The following BAZ1B variants were observed in gnomAD, a reference collection of about 807,000 sequenced individuals.
BAZ1B encodes the protein tyrosine-protein kinase BAZ1B.
BAZ1B carries 22 observed loss-of-function variants against 153.8 expected under a neutral mutation model. The ratio of observed to expected loss-of-function variants is 0.14; its 90% confidence interval spans 0.10 to 0.20. BAZ1B has a LOEUF of 0.20. BAZ1B is among the 10% of genes least tolerant of loss of function. The probability of loss-of-function intolerance (pLI) is 1.00; values close to 1 mark genes in which losing one functional copy is unlikely to be tolerated. For synonymous variants in BAZ1B, 676 were observed against 633.4 expected (o/e 1.07, Z -1.01); for missense variants, 1,325 against 1,799.3 (o/e 0.74, Z 4.77).
intron 1 of BAZ1B, among the ~76,000 whole-genome samples, chr7:73,518,471 C>T (rs1790902374): frequency 6.6e-6 from 1 of 151,932 alleles, no homozygotes; most frequent in South Asian, 2.1e-4. Context: ...AACGTAAGAG[C>T]TCAGTATTCC....
intron 6 of BAZ1B, among the ~76,000 whole-genome samples, chr7:73,479,128 G>T (rs1012163245): frequency 1.3e-5 from 2 of 149,450 alleles, no homozygotes; most frequent in South Asian, 2.1e-4. Flanking sequence ...ATCAGTGAGT[G>T]TAAGAACAAC....
At chr7:73,515,426 G>A (rs946465636) in intron 1 of BAZ1B, among the ~76,000 whole-genome samples, 50 of 151,948 alleles carry the variant, frequency 3.3e-4, no homozygotes, top group African/African-American at 1.1e-3. Context: ...GTCACTTCCC[G>A]GAAGAGGCTT....
At chr7:73,452,833 G>C (rs1554568651) in intron 13 of BAZ1B, among the ~76,000 whole-genome samples, 1 of 151,900 alleles carries the variant, frequency 6.6e-6, no homozygotes, top group Admixed American at 6.6e-5. Flanking sequence ...GTCAAACAAT[G>C]GGTTTATTGG....
rs565696795 is a variant in BAZ1B, at chr7:73,470,873, T to A, written c.2594-390A>T. 1.9e-3 allele frequency among the ~76,000 whole-genome samples: 286 copies of A among 152,318 alleles called. 1 individual carries two copies. The highest frequency in any genetic ancestry group is 1.9e-3 in the Non-Finnish European group (127 of 68,034). ...GCCTCAGCCTCCTGTGTCGCTGGAC[T>A]ACAGGCACACACCACCGTGTCCAGC... On this transcript the variant is annotated intron_variant, in intron 7 of 19. Transcript: ENST00000339594.
chr7:73,517,743 T>C (rs1162045557), intron 1 of BAZ1B, among the ~76,000 whole-genome samples: 2 of 152,220 alleles, frequency 1.3e-5, no homozygotes, highest in Admixed American at 1.3e-4. Flanking sequence ...CCAAAGGTTG[T>C]GTAAGCTATA....
At chr7:73,463,279 C>T (rs1477191523) in intron 11 of BAZ1B, among the ~76,000 whole-genome samples, 180 bp from the exon 12 acceptor site, 2 of 132,704 alleles carry the variant, frequency 1.5e-5, no homozygotes, top group African/African-American at 2.9e-5. Flanking sequence ...GGGTCTTGCT[C>T]TGTCACACAG....
chr7:73,496,395 A>T (rs2116403375), intron 4 of BAZ1B, among the ~76,000 whole-genome samples: 1 of 152,356 alleles, frequency 6.6e-6, no homozygotes, highest in Non-Finnish European at 1.5e-5. Flanking sequence ...AGTACCTCAA[A>T]AACCATCTGC....
chr7:73,475,218 G>A (rs1264904434), intron 7 of BAZ1B, among the ~76,000 whole-genome samples: 7 of 152,120 alleles, frequency 4.6e-5, no homozygotes, highest in Admixed American at 6.5e-5. Flanking sequence ...ATCTTATTCC[G>A]AGGTATTTAC....
chr7:73,459,501 G>A (rs782546372), intron 13 of BAZ1B, 35 bp downstream of exon 13: 13 of 1,594,682 alleles, frequency 8.2e-6, no homozygotes, highest in South Asian at 2.2e-5. Flanking sequence ...ACTCATCTAC[G>A]GAATCATAAA....
At chr7:73,472,975 C>T (rs1457617051) in intron 7 of BAZ1B, among the ~76,000 whole-genome samples, 1 of 151,554 alleles carries the variant, frequency 6.6e-6, no homozygotes, top group Non-Finnish European at 1.5e-5. Flanking sequence ...AAGAGTCTCG[C>T]TCTGTCCCCC....
At chr7:73,499,804 C>A (rs1012400706) in intron 3 of BAZ1B, among the ~76,000 whole-genome samples, 1 of 152,164 alleles carries the variant, frequency 6.6e-6, no homozygotes, top group Non-Finnish European at 1.5e-5. Flanking sequence ...TGGTTATATT[C>A]TTTAATCTGA....
intron 13 of BAZ1B, among the ~76,000 whole-genome samples, chr7:73,453,217 A>G (rs1315377304): frequency 2.0e-5 from 3 of 152,250 alleles, no homozygotes; most frequent in Admixed American, 2.0e-4. Context: ...CACGAGGCAT[A>G]ATGCCATTTT....
intron 9 of BAZ1B, among the ~76,000 whole-genome samples, chr7:73,466,683 A>G (rs1377521063): frequency 6.6e-6 from 1 of 152,206 alleles, no homozygotes; most frequent in African/African-American, 2.4e-5. Flanking sequence ...ATATCTTTAT[A>G]TCAAAGCAAA....
At chr7:73,442,158 T>C in intron 19 of BAZ1B, 23 bp downstream of exon 19, 3 of 456,502 alleles carry the variant, frequency 6.6e-6, no homozygotes, top group Non-Finnish European at 1.2e-5. Context: ...TCCCTAGCTG[T>C]CCCCCCACCT....
intron 3 of BAZ1B, among the ~76,000 whole-genome samples, chr7:73,507,628 C>CA (rs1395370654): frequency 6.6e-6 from 1 of 152,118 alleles, no homozygotes; most frequent in African/African-American, 2.4e-5. Context: ...ATGAAAAAGA[C>CA]AAAGGACAGA....
At chr7:73,517,772 A>T (rs1554579580) in intron 1 of BAZ1B, among the ~76,000 whole-genome samples, 1 of 152,236 alleles carries the variant, frequency 6.6e-6, no homozygotes, top group African/African-American at 2.4e-5. Flanking sequence ...GATATTTTCG[A>T]ATCCTAGACT....
chr7:73,459,246 C>CAA (rs782368597), intron 13 of BAZ1B, among the ~76,000 whole-genome samples: 5 of 101,678 alleles, frequency 4.9e-5, no homozygotes, highest in African/African-American at 7.4e-5. Context: ...GACTCCATCT[C>CAA]AAAAAAAAAA....
chr7:73,493,255 G>T (rs1353144004), intron 4 of BAZ1B, among the ~76,000 whole-genome samples: 1 of 152,074 alleles, frequency 6.6e-6, no homozygotes, highest in Non-Finnish European at 1.5e-5. Context: ...GAGGTCGGGA[G>T]TTCGAGACCA....
rs1442004346 is a variant in BAZ1B, at chr7:73,450,015, T to C, written c.3581-326A>G. On this transcript the variant is annotated intron_variant, in intron 14 of 19. Coordinates refer to ENST00000339594, the MANE Select transcript of BAZ1B (RefSeq NM_032408.4). The surrounding 1 kb of genome is among the most constrained non-coding windows in gnomAD (Gnocchi z 4.1). ...GCTGCTTTTTCGACCTCCCCAAACG[T>C]TTCTCAACTTATGCCTGATGAGTGT... Among the ~76,000 whole-genome samples, 1 of 152,046 alleles carries C rather than the reference T, an allele frequency of 6.6e-6. No homozygotes were observed. Among genetic ancestry groups the C allele is most frequent in the Non-Finnish European group, 1.5e-5 (1 of 67,998 alleles).
Sources: gnomAD v4.1 joint callset for allele counts (sites outside exome capture counted in the v4.1 genomes callset) on GRCh38, gnomAD v4.1.1 for gene constraint, Gnocchi (gnomAD v3.1) non-coding constraint, MANE v1.5 for transcripts, NCBI Gene and HGNC (gene_info 2026-07-23, HGNC 2026-07-21) for gene names.